Variants in ACACB observed in about 807,000 individuals in gnomAD.
ACACB encodes acetyl-CoA carboxylase 2.
ACACB carries 209 observed loss-of-function variants against 278.8 expected under a neutral mutation model. The observed-to-expected ratio is 0.75, with a 90% CI of 0.67 to 0.84. The LOEUF (loss-of-function observed/expected upper bound fraction) is 0.84. ACACB is among the 40% of genes least tolerant of loss of function. The pLI is 0.00. For synonymous variants in ACACB, 1,174 were observed against 1,285.6 expected (o/e 0.91, Z 1.86); for missense variants, 2,850 against 3,269.0 (o/e 0.87, Z 3.13).
At chr12:109,265,035 G>A in intron 50 of ACACB, 75 bp from the exon 51 acceptor site, 3 of 1,511,168 alleles carry the variant, frequency 2.0e-6, no homozygotes, top group Non-Finnish European at 1.8e-6. Flanking sequence ...GGCAGCCACT[G>A]TCATGGGTGT....
At chr12:109,126,876 C>T (rs1376110378) in intron 1 of ACACB, among the ~76,000 whole-genome samples, 1 of 152,128 alleles carries the variant, frequency 6.6e-6, no homozygotes, top group African/African-American at 2.4e-5. Flanking sequence ...CTGAAATGTA[C>T]AGGCTTCTCT....
intron 2 of ACACB, among the ~76,000 whole-genome samples, chr12:109,152,650 T>C (rs1383100087): frequency 2.1e-5 from 3 of 142,248 alleles, no homozygotes; most frequent in African/African-American, 5.2e-5. Flanking sequence ...CTTTTTTTTT[T>C]TTTTTTTTTT....
chr12:109,128,187 C>T (rs573325293), intron 1 of ACACB, among the ~76,000 whole-genome samples: 133 of 152,236 alleles, frequency 8.7e-4, no homozygotes, highest in Non-Finnish European at 1.5e-3. Context: ...TTTGCTCTGT[C>T]GCCCAGGCCG....
chr12:109,112,194 T>C (rs1278878130), upstream of ACACB, among the ~76,000 whole-genome samples: 2 of 149,160 alleles, frequency 1.3e-5, no homozygotes, highest in African/African-American at 4.9e-5. Flanking sequence ...CTATATAATA[T>C]ATACAAAAGT....
intron 4 of ACACB, among the ~76,000 whole-genome samples, chr12:109,170,100 TTTTG>T (rs148212534): frequency 0.072 from 10,902 of 152,100 alleles, 902 homozygotes; most frequent in African/African-American, 0.2. Context: ...ATGTGTGGGT[TTTTG>T]TTTGTTTGTT....
At chr12:109,162,715 C>G (rs2043768209) in intron 2 of ACACB, among the ~76,000 whole-genome samples, 1 of 152,106 alleles carries the variant, frequency 6.6e-6, no homozygotes, top group Non-Finnish European at 1.5e-5. Flanking sequence ...ACTGTCCAGG[C>G]AGAAGACTGG....
intron 19 of ACACB, among the ~76,000 whole-genome samples, 196 bp downstream of exon 19, chr12:109,201,897 T>C (rs1388662266): frequency 6.6e-6 from 1 of 152,176 alleles, no homozygotes; most frequent in Non-Finnish European, 1.5e-5. Flanking sequence ...GATCCCTCTC[T>C]GTGGCTCTCC....
At position 109,187,325 on chromosome 12, in the gene ACACB, G is replaced by A. The variant is rs116112982; in HGVS notation, c.1981-674G>A. On this transcript the variant is annotated intron_variant, in intron 12 of 52. Coordinates refer to ENST00000338432, the MANE Select transcript of ACACB (RefSeq NM_001093.4). ...ACTTCTATTTAAACTTTTTATTTTCGAAATGTCAAGCATATAAAGTCAGAA... is the reference window on the plus strand; with the variant it reads ...ACTTCTATTTAAACTTTTTATTTTCAAAATGTCAAGCATATAAAGTCAGAA... Among the ~76,000 whole-genome samples, 772 of 151,984 alleles carry A rather than the reference G, an allele frequency of 5.1e-3. 8 individuals carry two copies. Among genetic ancestry groups the A allele is most frequent in the African/African-American group, 0.017 (714 of 41,458 alleles).
intron 33 of ACACB, chr12:109,236,392 C>T (rs1490787979): frequency 6.6e-6 from 1 of 152,316 alleles, no homozygotes; most frequent in Non-Finnish European, 1.5e-5. Context: ...AACTGTTTTT[C>T]TTATGCTCGT....
At chr12:109,192,127 C>A (rs551270272) in intron 15 of ACACB, among the ~76,000 whole-genome samples, 177 bp downstream of exon 15, 2 of 152,292 alleles carry the variant, frequency 1.3e-5, no homozygotes, top group African/African-American at 2.4e-5. Context: ...CTTGAAGAGG[C>A]TGTGGGTTAG....
chr12:109,262,106 G>T (rs538305118), intron 48 of ACACB, among the ~76,000 whole-genome samples: 142 of 152,174 alleles, frequency 9.3e-4, no homozygotes, highest in African/African-American at 3.2e-3. Flanking sequence ...GACCTGAAAG[G>T]GGCCCTCCAG....
chr12:109,128,349 A>AT (rs1037615132), intron 1 of ACACB, among the ~76,000 whole-genome samples: 2 of 150,392 alleles, frequency 1.3e-5, no homozygotes, highest in African/African-American at 4.9e-5. Context: ...ATTTTATTTT[A>AT]TTTTTTAGAC....
rs778930262 is a variant in ACACB at position 109,185,552 on chromosome 12, T to C, written c.1819-27T>C. ...GGCCGTGTTCTGGTAGGACTGACAG[T>C]CTGTGGGTTGGATCTCTTGATTTTA... is the stretch of plus-strand genomic sequence containing the variant. On this transcript the variant is annotated intron_variant, in intron 11 of 52. Coordinates refer to ENST00000338432, the MANE Select transcript of ACACB (RefSeq NM_001093.4). 3 of 1,612,150 alleles carry C rather than the reference T, an allele frequency of 1.9e-6. No homozygotes were observed. In the East Asian group the frequency reaches 6.7e-5, roughly 36 times the overall value.
At chr12:109,171,945 C>G in intron 5 of ACACB, 31 bp downstream of exon 5, 1 of 1,568,396 alleles carries the variant, frequency 6.4e-7, no homozygotes, top group South Asian at 1.1e-5. Flanking sequence ...AAGTGTGGCC[C>G]CTGAGTGTGG....
At chr12:109,167,621 G>GTATATA (rs1216217057) in intron 3 of ACACB, among the ~76,000 whole-genome samples, 3,174 of 77,384 alleles carry the variant, frequency 0.041, 167 homozygotes, top group African/African-American at 0.062. Flanking sequence ...ATATGTATGT[G>GTATATA]TATATATATA....
chr12:109,142,865 C>T (rs1209033225), intron 2 of ACACB, among the ~76,000 whole-genome samples: 1 of 152,202 alleles, frequency 6.6e-6, no homozygotes, highest in South Asian at 2.1e-4. Context: ...TCACGTCTAG[C>T]CTACTTAACT....
Position 109,197,126 on chromosome 12 carries a change from C to T in ACACB, c.2600C>T (p.Thr867Ile), listed in dbSNP as rs2045163532. The T allele has an allele frequency of 6.2e-7, 1 of 1,605,198 alleles. No homozygotes were observed. The highest frequency in any genetic ancestry group is 1.7e-5 in the Admixed American group (1 of 58,490). The part of the protein sequence containing the change: ...LLLSYNGNSY[T>I]TYMKEEVDSY... ...CTCTCCTACAATGGGAACAGCTACACCACCTACATGAAGGAAGAGGTTGAC... is the reference window on the plus strand; with the variant it reads ...CTCTCCTACAATGGGAACAGCTACATCACCTACATGAAGGAAGAGGTTGAC... Residue 867 changes from threonine to isoleucine, a missense_variant, in exon 17 of 53, where the codon ACC becomes ATC. This residue lies in a region of ACACB where 2,265 missense variants were observed against 2,561.3 expected (regional missense o/e 0.88). Transcript: ENST00000338432.
chr12:109,203,652 G>A (rs1257708495), intron 19 of ACACB, among the ~76,000 whole-genome samples: 1 of 152,244 alleles, frequency 6.6e-6, no homozygotes, highest in Admixed American at 6.5e-5. Flanking sequence ...GCAGGCAGGT[G>A]CCGGGGGCGT....
chr12:109,147,776 A>G (rs896964281), intron 2 of ACACB, among the ~76,000 whole-genome samples: 1 of 152,198 alleles, frequency 6.6e-6, no homozygotes, highest in African/African-American at 2.4e-5. Flanking sequence ...GGGGGAATGT[A>G]AAACATGTGA....
Sources: allele counts gnomAD v4.1 joint callset (sites outside exome capture counted in the v4.1 genomes callset), GRCh38; gene constraint gnomAD v4.1.1; regional missense constraint gnomAD v4.1.1; transcripts MANE v1.5; gene names NCBI Gene and HGNC (gene_info 2026-07-23, HGNC 2026-07-21).